DPY19L3: variants seen among roughly 807,000 people sequenced by gnomAD.
DPY19L3 encodes the protein dpy-19 like C-mannosyltransferase 3.
A neutral mutation model predicts 92.3 loss-of-function variants in DPY19L3; 51 were observed. That is an observed-to-expected ratio of 0.55 (90% CI 0.44 to 0.70). DPY19L3 has a LOEUF of 0.70. DPY19L3 is among the 30% of genes least tolerant of loss of function. The probability of loss-of-function intolerance (pLI) is 0.00; values close to 1 mark genes in which losing one functional copy is unlikely to be tolerated. For synonymous variants in DPY19L3, 309 were observed against 315.2 expected, an observed-to-expected ratio of 0.98 and a Z score of 0.21; for missense variants, 706 against 855.9, an observed-to-expected ratio of 0.82 and a Z score of 2.18.
In DPY19L3 at chr19:32,408,352, A is replaced by G; in HGVS notation, c.99A>G (p.Pro33=). 4 of 1,612,120 alleles carry G rather than the reference A, an allele frequency of 2.5e-6. No individual in the cohort carries two copies. Among genetic ancestry groups the G allele is most frequent in the Non-Finnish European group, 2.5e-6 (3 of 1,178,560 alleles). The change falls in exon 2 of 19, where the codon CCA becomes CCG. Residue 33 remains proline, a synonymous_variant. Transcript: ENST00000392250. The part of the protein sequence containing the change: ...EENVKLENKL[P]SGCTSRRLWK... Reference sequence around the variant, plus strand: ...ATGTGAAGTTGGAAAATAAATTGCCATCTGGTAGGTGATTTAAACTAAAGC... The same window carrying G: ...ATGTGAAGTTGGAAAATAAATTGCCGTCTGGTAGGTGATTTAAACTAAAGC...
intron 15 of DPY19L3, 66 bp from the exon 16 acceptor site, chr19:32,468,665 A>T: frequency 1.3e-6 from 2 of 1,582,900 alleles, no homozygotes; most frequent in Admixed American, 1.9e-5. Flanking sequence ...TTTTCATTTA[A>T]TCTTAGTGAT....
chr19:32,457,602 CAT>C (rs1443598352), intron 10 of DPY19L3, among the ~76,000 whole-genome samples: 2 of 152,298 alleles, frequency 1.3e-5, no homozygotes, highest in South Asian at 2.1e-4. Flanking sequence ...GATGAACACT[CAT>C]ATTTGTCTGT....
intron 10 of DPY19L3, among the ~76,000 whole-genome samples, chr19:32,456,814 C>T (rs1442799472): frequency 1.3e-5 from 2 of 152,134 alleles, no homozygotes; most frequent in East Asian, 1.9e-4. Context: ...CAAAATATCT[C>T]ATATACTCCA....
chr19:32,428,832 G>GTTTTT (rs756304557), intron 3 of DPY19L3, among the ~76,000 whole-genome samples: 1 of 128,972 alleles, frequency 7.8e-6, no homozygotes. Context: ...TTTTTTTTTT[G>GTTTTT]TTTTTTTTCT....
At chr19:32,468,478 G>A (rs1043832893) in intron 15 of DPY19L3, 1 of 1,143,610 alleles carries the variant, frequency 8.7e-7, no homozygotes, top group South Asian at 3.4e-5. Flanking sequence ...AAAATAAAAA[G>A]CTCATTTTTT....
At chr19:32,457,079 C>T (rs2145574872) in intron 10 of DPY19L3, among the ~76,000 whole-genome samples, 1 of 152,238 alleles carries the variant, frequency 6.6e-6, no homozygotes, top group South Asian at 2.1e-4. Context: ...CTTGCATTGG[C>T]CCACTCTACA....
At chr19:32,423,497 TCAGG>T (rs897040209) in intron 3 of DPY19L3, among the ~76,000 whole-genome samples, 2 of 149,874 alleles carry the variant, frequency 1.3e-5, no homozygotes, top group African/African-American at 4.9e-5. Context: ...ACTCCTGAGC[TCAGG>T]CAGTCCATCC....
At chr19:32,463,249 G>A (rs1331662721) in intron 12 of DPY19L3, 117 bp from the exon 13 acceptor site, 1 of 1,151,908 alleles carries the variant, frequency 8.7e-7, no homozygotes, top group Non-Finnish European at 1.2e-6. Context: ...TCATCTTATG[G>A]AAATAATCAA....
chr19:32,434,466 G>A (rs952841431), intron 4 of DPY19L3, among the ~76,000 whole-genome samples: 3 of 152,088 alleles, frequency 2.0e-5, no homozygotes, highest in Middle Eastern at 3.4e-3. Context: ...AGACCAGCTT[G>A]ACCAACATGG....
chr19:32,467,478 A>G, intron 15 of DPY19L3: 1 of 987,622 alleles, frequency 1.0e-6, no homozygotes, highest in South Asian at 4.7e-5. Flanking sequence ...AACTAGAACC[A>G]GAAGTCCTGA....
In DPY19L3 at chr19:32,463,487, A is replaced by C; in HGVS notation, c.1444A>C (p.Arg482=). 1 of 1,612,122 alleles carries C rather than the reference A, an allele frequency of 6.2e-7. No homozygotes were observed. Among genetic ancestry groups the C allele is most frequent in the East Asian group, 2.2e-5 (1 of 44,788 alleles). The change falls in exon 13 of 19, where the codon AGA becomes CGA. Residue 482 remains arginine (R), a splice_region_variant and synonymous_variant. Coordinates refer to ENST00000392250, the MANE Select transcript of DPY19L3 (RefSeq NM_001172774.2). ...LFGFLALSTM[R]MKYLWTSHMC... ...TGGATTCTTGGCATTGAGTACAATG[A>C]GGTATTTTTGTCTTACCTGTTTGTT...
intron 3 of DPY19L3, among the ~76,000 whole-genome samples, chr19:32,419,295 G>A: frequency 6.6e-6 from 1 of 151,440 alleles, no homozygotes; most frequent in Non-Finnish European, 1.5e-5. Flanking sequence ...TGAGTAGCTG[G>A]GACTACAGGT....
intron 8 of DPY19L3, among the ~76,000 whole-genome samples, chr19:32,448,536 T>A (rs1054397603): frequency 9.9e-5 from 15 of 152,204 alleles, no homozygotes; most frequent in African/African-American, 3.4e-4. Context: ...TGTGATGCAT[T>A]ATATACTATA....
At chr19:32,468,570 T>C in intron 15 of DPY19L3, 161 bp from the exon 16 acceptor site, 1 of 1,318,906 alleles carries the variant, frequency 7.6e-7, no homozygotes, top group East Asian at 2.9e-5. Context: ...TCCCTTGTAT[T>C]AGGAGGGTTG....
At chr19:32,425,519 C>T (rs2145446793) in intron 3 of DPY19L3, among the ~76,000 whole-genome samples, 1 of 151,784 alleles carries the variant, frequency 6.6e-6, no homozygotes, top group East Asian at 1.9e-4. Context: ...CCACTGTGCT[C>T]CATCGTGGGT....
At chr19:32,411,682 C>T (rs1301297720) in intron 3 of DPY19L3, 1 of 340,274 alleles carries the variant, frequency 2.9e-6, no homozygotes, top group Admixed American at 4.5e-5. Flanking sequence ...ATTCTTCTGG[C>T]TTAGCCTCCC....
intron 3 of DPY19L3, among the ~76,000 whole-genome samples, chr19:32,426,002 G>A (rs1163488244): frequency 6.6e-6 from 1 of 152,238 alleles, no homozygotes; most frequent in Non-Finnish European, 1.5e-5. Flanking sequence ...ATAGAAGGCT[G>A]TTTCATCTAC....
At chr19:32,426,094 A>G (rs1968752287) in intron 3 of DPY19L3, among the ~76,000 whole-genome samples, 2 of 152,184 alleles carry the variant, frequency 1.3e-5, no homozygotes, top group African/African-American at 4.8e-5. Flanking sequence ...CAGCTTTTCC[A>G]TCAGCACTTT....
At chr19:32,477,104 G>C (rs1970534335) in intron 16 of DPY19L3, among the ~76,000 whole-genome samples, 1 of 152,094 alleles carries the variant, frequency 6.6e-6, no homozygotes. Context: ...TGCCCCTCTG[G>C]AACAATAGCA....
Sources: allele counts gnomAD v4.1 joint callset (sites outside exome capture counted in the v4.1 genomes callset), GRCh38; gene constraint gnomAD v4.1.1; transcripts MANE v1.5; gene names NCBI Gene and HGNC (gene_info 2026-07-23, HGNC 2026-07-21).